The following MECOM variants were observed in gnomAD, a reference collection of about 807,000 sequenced individuals.
MECOM encodes the protein histone-lysine N-methyltransferase MECOM.
MECOM carries 13 observed loss-of-function variants against 116.3 expected under a neutral mutation model. That is an observed-to-expected ratio of 0.11 (90% CI 0.07 to 0.18). The LOEUF is 0.18. Ranked by LOEUF, MECOM falls within the 10% of genes least tolerant of loss-of-function variation. MECOM has a pLI of 1.00. For missense variants in MECOM, 1,299 were observed against 1,509.0 expected (o/e 0.86, Z 2.31); for synonymous variants, 528 against 535.2 (o/e 0.99, Z 0.19).
At position 169,188,003 on chromosome 3, in the gene MECOM, C is replaced by G. The variant is rs1040150864; in HGVS notation, c.376-44171G>C. Among the ~76,000 whole-genome samples the G allele has an allele frequency of 2.9e-4, 44 of 151,958 alleles. 1 individual carries two copies. Among genetic ancestry groups the G allele is most frequent in the African/African-American group, 2.4e-5 (1 of 41,386 alleles). On this transcript the variant is annotated intron_variant, in intron 2 of 16. Transcript: ENST00000651503. ...CCAACTTATTTTTTAAAGCTTTGCA[C>G]AAATACCATTATAGCTATCTTATTT...
At chr3:169,245,839 C>A (rs1755518433) in intron 2 of MECOM, among the ~76,000 whole-genome samples, 1 of 152,154 alleles carries the variant, frequency 6.6e-6, no homozygotes, top group South Asian at 2.1e-4. Context: ...AGTCGCTATT[C>A]ATTACTGAGA....
At chr3:169,242,223 G>T (rs1028795326) in intron 2 of MECOM, among the ~76,000 whole-genome samples, 3 of 152,070 alleles carry the variant, frequency 2.0e-5, no homozygotes, top group African/African-American at 7.2e-5. Context: ...ATGTCCATTT[G>T]CATCTCAGCA....
intron 1 of MECOM, among the ~76,000 whole-genome samples, chr3:169,604,030 GAAGTTTGTGT>G (rs1768166054): frequency 6.6e-6 from 1 of 152,160 alleles, no homozygotes; most frequent in South Asian, 2.1e-4. Flanking sequence ...AGTTTCTAAG[GAAGTTTGTGT>G]AATTGCCTTT....
chr3:169,370,903 T>C (rs528115168), intron 2 of MECOM, among the ~76,000 whole-genome samples: 1 of 152,100 alleles, frequency 6.6e-6, no homozygotes, highest in Non-Finnish European at 1.5e-5. Context: ...GCTCTTTATA[T>C]ACTGTTGGTA....
At chr3:169,127,413 ATTACTGCTCTATCAAAAGATCAT>A (rs1733219801) in intron 5 of MECOM, among the ~76,000 whole-genome samples, 1 of 152,134 alleles carries the variant, frequency 6.6e-6, no homozygotes, top group Non-Finnish European at 1.5e-5. Flanking sequence ...AAATCCATGA[ATTACTGCTCTATCAAAAGATCAT>A]TTACCTGTCA....
At chr3:169,213,728 G>A (rs1362694391) in intron 2 of MECOM, among the ~76,000 whole-genome samples, 3 of 152,072 alleles carry the variant, frequency 2.0e-5, no homozygotes, top group Non-Finnish European at 4.4e-5. Context: ...CTGACTTTAT[G>A]AATATTTTAC....
At chr3:169,469,322 C>T (rs1289822072) in intron 1 of MECOM, among the ~76,000 whole-genome samples, 1 of 152,150 alleles carries the variant, frequency 6.6e-6, no homozygotes, top group African/African-American at 2.4e-5. Context: ...GGTGTCCTGT[C>T]AGTAGGAAGC....
At chr3:169,308,521 A>G (rs554950516) in intron 2 of MECOM, among the ~76,000 whole-genome samples, 3 of 152,340 alleles carry the variant, frequency 2.0e-5, no homozygotes, top group East Asian at 3.9e-4. Flanking sequence ...TCAAAAATAA[A>G]GGGCAAATAA....
chr3:169,397,694 T>A (rs1560221595), intron 1 of MECOM, among the ~76,000 whole-genome samples: 1 of 152,140 alleles, frequency 6.6e-6, no homozygotes, highest in Non-Finnish European at 1.5e-5. Context: ...CTTGATAACA[T>A]TCTCAAGAGT....
chr3:169,428,255 T>G (rs1741043794), intron 1 of MECOM, among the ~76,000 whole-genome samples: 1 of 152,202 alleles, frequency 6.6e-6, no homozygotes, highest in Non-Finnish European at 1.5e-5. Context: ...GTCCCCAACC[T>G]TTTGTAAACC....
intron 2 of MECOM, among the ~76,000 whole-genome samples, chr3:169,242,002 A>C (rs185715057): frequency 2.0e-5 from 3 of 152,330 alleles, no homozygotes; most frequent in Admixed American, 1.3e-4. Context: ...GTGATCTGTG[A>C]ATAGCATTCA....
intron 1 of MECOM, among the ~76,000 whole-genome samples, chr3:169,520,127 C>A (rs1270753575): frequency 2.6e-5 from 4 of 152,226 alleles, no homozygotes; most frequent in Non-Finnish European, 4.4e-5. Flanking sequence ...ATGTAACCAA[C>A]ATGGAAGAAA....
At chr3:169,513,824 A>C (rs1263957883) in intron 1 of MECOM, among the ~76,000 whole-genome samples, 1 of 152,168 alleles carries the variant, frequency 6.6e-6, no homozygotes, top group African/African-American at 2.4e-5. Context: ...CAAGATCAAT[A>C]ATTGAGAGCT....
At chr3:169,413,472 T>G (rs1737928073) in intron 1 of MECOM, among the ~76,000 whole-genome samples, 1 of 111,688 alleles carries the variant, frequency 9.0e-6, no homozygotes, top group South Asian at 3.0e-4. Context: ...CAGGAGTTTT[T>G]TTTTTGTTTT....
chr3:169,267,800 C>T (rs1028046398), intron 2 of MECOM, among the ~76,000 whole-genome samples: 23 of 151,890 alleles, frequency 1.5e-4, no homozygotes, highest in African/African-American at 5.3e-4. Flanking sequence ...TTTCCATTTA[C>T]CAGGGGTTGG....
In MECOM at chr3:169,359,366, G is replaced by C. The variant is rs545475137; in HGVS notation, c.375+21821C>G. 2.7e-4 allele frequency among the ~76,000 whole-genome samples: 41 copies of C among 151,824 alleles called. No individual in the cohort carries two copies. In the South Asian group the frequency reaches 8.3e-3, roughly 31 times the overall value. On this transcript the variant is annotated intron_variant, in intron 2 of 16. Coordinates refer to ENST00000651503, the MANE Select transcript of MECOM (RefSeq NM_004991.4). ...GTGGAGCAGAAACTAAAGTCAATTG[G>C]AGATCTATGTTTCTATCAATCAGTT...
chr3:169,508,566 C>T (rs1249726404), intron 1 of MECOM, among the ~76,000 whole-genome samples: 1 of 152,162 alleles, frequency 6.6e-6, no homozygotes, highest in Non-Finnish European at 1.5e-5. Context: ...TCTTCTTACC[C>T]AGCCTGTCAA....
chr3:169,374,106 GGAGA>G (rs977667328), intron 2 of MECOM, among the ~76,000 whole-genome samples: 4 of 151,438 alleles, frequency 2.6e-5, no homozygotes, highest in Non-Finnish European at 5.9e-5. Flanking sequence ...ATATTAATAA[GGAGA>G]GAGAGCAGAG....
intron 2 of MECOM, among the ~76,000 whole-genome samples, chr3:169,149,950 TG>T (rs1740912789): frequency 6.7e-6 from 1 of 149,252 alleles, no homozygotes; most frequent in Non-Finnish European, 1.5e-5. Flanking sequence ...TGTGTGTGTG[TG>T]TGTGTGTGTG....
Sources: gnomAD v4.1 joint callset for allele counts (sites outside exome capture counted in the v4.1 genomes callset) on GRCh38, gnomAD v4.1.1 for gene constraint, MANE v1.5 for transcripts, NCBI Gene and HGNC (gene_info 2026-07-23, HGNC 2026-07-21) for gene names.